SBF2: variants seen among roughly 807,000 people sequenced by gnomAD.
The protein encoded by SBF2 is SET binding factor 2.
In SBF2, 112 loss-of-function variants were observed where a neutral mutation model predicts 225.2. That is an observed-to-expected ratio of 0.50 (90% CI 0.43 to 0.58). The LOEUF (loss-of-function observed/expected upper bound fraction) is 0.58, where lower values mean the gene tolerates loss of function less well. SBF2 is among the 20% of genes least tolerant of loss of function. SBF2 has a pLI of 0.00. For synonymous variants in SBF2, 763 were observed against 773.3 expected (o/e 0.99, Z 0.22); for missense variants, 1,996 against 2,206.2 (o/e 0.90, Z 1.91).
chr11:10,060,334 A>T (rs1426061177), intron 2 of SBF2, among the ~76,000 whole-genome samples: 1 of 152,206 alleles, frequency 6.6e-6, no homozygotes, highest in Non-Finnish European at 1.5e-5. Context: ...AGCCAGGAAG[A>T]AACTGAATCT....
chr11:9,961,020 T>C (rs1199173508), intron 16 of SBF2: 2 of 152,198 alleles, frequency 1.3e-5, no homozygotes, highest in Non-Finnish European at 2.9e-5. Flanking sequence ...TGCTGTGCTT[T>C]GTTGTTTTTC....
chr11:9,895,985 G>A lies in SBF2; in HGVS notation c.1887C>T (p.Asn629=). 1.2e-6 allele frequency: 2 copies of A among 1,613,282 alleles called. No homozygotes were observed. Among genetic ancestry groups the A allele is most frequent in the Non-Finnish European group, 1.7e-6 (2 of 1,179,412 alleles). Residue 629 remains asparagine (N), a synonymous_variant, in exon 17 of 40, where the codon AAC becomes AAT. Transcript: ENST00000256190. ...LQDCSSLEEY[N]IAAALLPLTS... is the part of the protein sequence containing the mutation. ...TCAAAGGGAGTAATGCTGCGGCAAT[G>A]TTGTATTCTTCTAAACTTGAACAAT...
chr11:10,287,703 G>C (rs1963891977), intron 1 of SBF2, among the ~76,000 whole-genome samples: 1 of 152,198 alleles, frequency 6.6e-6, no homozygotes, highest in African/African-American at 2.4e-5. Flanking sequence ...TATTGTTATG[G>C]GATCTTTAGG....
intron 2 of SBF2, among the ~76,000 whole-genome samples, chr11:10,156,726 G>A (rs557691949): frequency 3.2e-4 from 48 of 152,076 alleles, no homozygotes; most frequent in Middle Eastern, 3.2e-3. Flanking sequence ...GTAAAGGAGC[G>A]CTACAAGAAG....
At chr11:9,821,429 C>T (rs111571557) in intron 28 of SBF2, among the ~76,000 whole-genome samples, 6 of 152,094 alleles carry the variant, frequency 3.9e-5, no homozygotes, top group Non-Finnish European at 7.4e-5. Context: ...GTAGAAAATC[C>T]GCAATGATAA....
chr11:9,894,766 A>G (rs1338569742), intron 17 of SBF2, among the ~76,000 whole-genome samples: 1 of 152,144 alleles, frequency 6.6e-6, no homozygotes, highest in Non-Finnish European at 1.5e-5. Context: ...GGATCACCTG[A>G]GGTCAGGAGT....
At chr11:10,066,034 T>A (rs138758860) in intron 2 of SBF2, among the ~76,000 whole-genome samples, 1 of 152,014 alleles carries the variant, frequency 6.6e-6, no homozygotes, top group Non-Finnish European at 1.5e-5. Context: ...CCTATATCCA[T>A]TGAAGAAAAT....
intron 32 of SBF2, among the ~76,000 whole-genome samples, chr11:9,804,812 T>G (rs1473556739): frequency 1.3e-5 from 2 of 152,240 alleles, no homozygotes; most frequent in African/African-American, 4.8e-5. Flanking sequence ...TCCACTGAAT[T>G]AATATGCCAG....
At chr11:10,120,085 C>G (rs1953364384) in intron 2 of SBF2, among the ~76,000 whole-genome samples, 1 of 152,152 alleles carries the variant, frequency 6.6e-6, no homozygotes, top group African/African-American at 2.4e-5. Flanking sequence ...CTGAACAACT[C>G]CCCATTTTCC....
intron 16 of SBF2, among the ~76,000 whole-genome samples, chr11:9,900,237 T>C (rs1861618480): frequency 6.6e-6 from 1 of 151,978 alleles, no homozygotes; most frequent in Non-Finnish European, 1.5e-5. Context: ...TAGATACGAG[T>C]TCTAAATTTC....
chr11:9,806,746 G>C (rs936040238), intron 32 of SBF2, among the ~76,000 whole-genome samples: 1 of 152,244 alleles, frequency 6.6e-6, no homozygotes, highest in South Asian at 2.1e-4. Flanking sequence ...CTGTGTGTGG[G>C]GTGAAAGGTT....
At chr11:10,242,217 CAT>C (rs1354178592) in intron 1 of SBF2, among the ~76,000 whole-genome samples, 1 of 151,798 alleles carries the variant, frequency 6.6e-6, no homozygotes, top group African/African-American at 2.4e-5. Context: ...ACATAAATAA[CAT>C]AGAGTGTGTG....
At position 9,852,710 on chromosome 11, in the gene SBF2, T is replaced by C. The variant is rs974470934; in HGVS notation, c.2576A>G (p.His859Arg). The C allele has an allele frequency of 6.2e-7, 1 of 1,613,626 alleles. No individual in the cohort carries two copies. The highest frequency in any genetic ancestry group is 1.7e-5 in the Admixed American group (1 of 60,012). Reference sequence around the variant, plus strand: ...AGGCGGAAGTCTTCTGCTTTCTCGATGTACTGCTTCTAGGGTCTCAATGTG... The same window carrying C: ...AGGCGGAAGTCTTCTGCTTTCTCGACGTACTGCTTCTAGGGTCTCAATGTG... Reference protein sequence around the residue: ...AMHIETLEAVHRESRRLPPIQ... With the variant: ...AMHIETLEAVRRESRRLPPIQ... The change falls in exon 21 of 40, where the codon CAT becomes CGT. Residue 859 changes from histidine (H) to arginine (R), a missense_variant. By Grantham distance (29) the His-to-Arg change is conservative. Transcript: ENST00000256190.
At chr11:10,282,706 G>A (rs976416000) in intron 1 of SBF2, among the ~76,000 whole-genome samples, 4 of 152,010 alleles carry the variant, frequency 2.6e-5, no homozygotes, top group South Asian at 4.2e-4. Flanking sequence ...CCATAAAAAC[G>A]TTTGAGCTTT....
rs1023337511 is a variant in SBF2 at position 10,159,052 on chromosome 11, CT to C, written c.141+34849del. On this transcript the variant is annotated intron_variant, in intron 2 of 39. Transcript: ENST00000256190. ...TAACATCATATTCAATGACAAAAAG[CT>C]TTTCCTCTGAAAGTTTTTCCTCTAA... Among the ~76,000 whole-genome samples the C allele has an allele frequency of 3.3e-5, 5 of 150,444 alleles. No individual in the cohort carries two copies. The East Asian group carries it at 9.7e-4, about 29-fold the overall frequency.
chr11:9,840,862 C>A (rs10500709), intron 25 of SBF2, among the ~76,000 whole-genome samples: 26,722 of 150,884 alleles, frequency 0.18, 2,947 homozygotes, highest in Non-Finnish European at 0.25. Flanking sequence ...GAATCCTTTA[C>A]AATTTTAGAT....
chr11:10,094,592 T>C (rs1951939305), intron 2 of SBF2, among the ~76,000 whole-genome samples: 1 of 140,598 alleles, frequency 7.1e-6, no homozygotes, highest in Non-Finnish European at 1.5e-5. Flanking sequence ...AATCTCTGCC[T>C]CCGAGGTTCA....
chr11:10,029,533 G>T (rs1223393781), intron 5 of SBF2, among the ~76,000 whole-genome samples: 1 of 152,172 alleles, frequency 6.6e-6, no homozygotes, highest in African/African-American at 2.4e-5. Context: ...TTCTAATTAT[G>T]CTATGTGAAA....
chr11:9,785,163 C>T lies in SBF2; in HGVS notation c.5193G>A (p.Thr1731=), dbSNP rs764147377. 2.5e-5 allele frequency: 41 copies of T among 1,613,516 alleles called. No individual in the cohort carries two copies. The highest frequency in any genetic ancestry group is 3.3e-5 in the South Asian group (3 of 91,058). ...TCTTGGATGTATACTGGCTATAGAG[C>T]GTGGCTGCTCTTCGCTCCACTCCAT... ...PSNGVERRAA[T]LYSQYTSKND... is the part of the protein sequence containing the mutation. The change falls in exon 37 of 40, where the codon ACG becomes ACA. Residue 1731 remains threonine, a synonymous_variant. Transcript: ENST00000256190.
Sources: gnomAD v4.1 joint callset for allele counts (sites outside exome capture counted in the v4.1 genomes callset) on GRCh38, gnomAD v4.1.1 for gene constraint, MANE v1.5 for transcripts, NCBI Gene and HGNC (gene_info 2026-07-23, HGNC 2026-07-21) for gene names.